INTS3: variants seen among roughly 807,000 people sequenced by gnomAD.
INTS3 encodes the protein integrator complex subunit 3.
In INTS3, 34 loss-of-function variants were observed where a neutral mutation model predicts 146.3. That is an observed-to-expected ratio of 0.23 (90% CI 0.18 to 0.31). The LOEUF (loss-of-function observed/expected upper bound fraction) is 0.31. Among genes scored for constraint, INTS3 ranks in the 10% least tolerant of loss-of-function variants. INTS3 has a pLI of 1.00. For missense variants in INTS3, 757 were observed against 1,304.2 expected, an observed-to-expected ratio of 0.58 and a Z score of 6.46; for synonymous variants, 475 against 494.9, an observed-to-expected ratio of 0.96 and a Z score of 0.53.
intron 20 of INTS3, 169 bp from the exon 21 acceptor site, chr1:153,767,505 C>T (rs1252142025): frequency 5.5e-6 from 3 of 549,598 alleles, no homozygotes; most frequent in Non-Finnish European, 9.2e-6. Flanking sequence ...TCCCCTGGTT[C>T]CCCTGAGTTA....
At chr1:153,742,428 G>A (rs945121474) in intron 3 of INTS3, among the ~76,000 whole-genome samples, 1 of 151,502 alleles carries the variant, frequency 6.6e-6, no homozygotes, top group Non-Finnish European at 1.5e-5. Flanking sequence ...GATGAGAGTA[G>A]ATGGGATGGA....
chr1:153,728,659 GCGGCAGCAGCAGCAGCTGCTT>G lies in INTS3; in HGVS notation c.29_49del (p.Ala10_Ser16del). Reference sequence around the variant, plus strand: ...CATGGAGTTGCAGAAGGGAAAAGGGGCGGCAGCAGCAGCAGCTGCTTCGGGAGCAGCGGGAGGTGGAGGAGG... The same window carrying G: ...CATGGAGTTGCAGAAGGGAAAAGGGGCGGGAGCAGCGGGAGGTGGAGGAGG... On this transcript the variant is annotated inframe_deletion, in exon 1 of 30. Coordinates refer to ENST00000318967, the MANE Select transcript of INTS3 (RefSeq NM_023015.5). 2 of 1,606,644 alleles carry G rather than the reference GCGGCAGCAGCAGCAGCTGCTT, an allele frequency of 1.2e-6. No individual in the cohort carries two copies. Among genetic ancestry groups the G allele is most frequent in the African/African-American group, 1.3e-5 (1 of 74,424 alleles).
intron 4 of INTS3, 82 bp from the exon 5 acceptor site, chr1:153,747,197 C>G: frequency 1.5e-6 from 2 of 1,345,058 alleles, no homozygotes. Context: ...TTGTAATGTG[C>G]TCCTTTCAGT....
In INTS3 at chr1:153,763,416, C is replaced by T. The variant is rs1433770556; in HGVS notation, c.1766+54C>T. On this transcript the variant is annotated intron_variant, in intron 16 of 29. Transcript: ENST00000318967. ...GGAGGTTCAGCCCCAGGCTCTCTAC[C>T]TGGTGCTTAATGGGTATAGCAGGAG... 2.5e-6 allele frequency: 4 copies of T among 1,601,456 alleles called. No individual in the cohort carries two copies. The Admixed American group carries it at 5.0e-5, about 20-fold the overall frequency.
At chr1:153,740,595 A>G (rs2101787564) in intron 1 of INTS3, 56 bp from the exon 2 acceptor site, 1 of 1,300,688 alleles carries the variant, frequency 7.7e-7, no homozygotes, top group Middle Eastern at 1.8e-4. Context: ...GGGGCCCAGA[A>G]GTACTTCCTA....
Position 153,728,543 on chromosome 1 carries a change from T to A in INTS3, c.-92T>A. On this transcript the variant is annotated 5_prime_UTR_variant, in exon 1 of 30. Coordinates refer to ENST00000318967, the MANE Select transcript of INTS3 (RefSeq NM_023015.5). Reference sequence around the variant, plus strand: ...TCTCCCCTCCCCAACTTGTTCCTCTTGCCCCCCAGTCCCTGGCAATCCAGA... The same window carrying A: ...TCTCCCCTCCCCAACTTGTTCCTCTAGCCCCCCAGTCCCTGGCAATCCAGA... The A allele has an allele frequency of 1.4e-6, 2 of 1,454,866 alleles. No individual in the cohort carries two copies. Among genetic ancestry groups the A allele is most frequent in the South Asian group, 2.8e-5 (2 of 72,654 alleles). The allele number at this position is 1,454,866 out of a possible 1,614,324, so 90.1% of individuals were successfully genotyped here.
chr1:153,759,462 G>A, intron 10 of INTS3, 64 bp from the exon 11 acceptor site: 1 of 1,086,212 alleles, frequency 9.2e-7, no homozygotes, highest in South Asian at 1.3e-5. Context: ...TCTGTCTTGG[G>A]ACTCTGAAAT....
intron 1 of INTS3, among the ~76,000 whole-genome samples, chr1:153,732,003 G>A (rs760444149): frequency 6.7e-6 from 1 of 149,478 alleles, no homozygotes; most frequent in Non-Finnish European, 1.5e-5. Context: ...TGCCTCCCGG[G>A]TTCAAGCGAT....
intron 3 of INTS3, among the ~76,000 whole-genome samples, chr1:153,745,287 G>A (rs1286067154): frequency 1.3e-5 from 2 of 151,626 alleles, no homozygotes; most frequent in Non-Finnish European, 2.9e-5. Context: ...CTCCCTTGTA[G>A]TTGGGACTAC....
At position 153,752,271 on chromosome 1, in the gene INTS3, C is replaced by T. The variant is rs559380024; in HGVS notation, c.730-8C>T. 4.3e-6 allele frequency: 7 copies of T among 1,613,118 alleles called. No homozygotes were observed. The highest frequency in any genetic ancestry group is 4.0e-5 in the African/African-American group (3 of 74,986). On this transcript the variant is annotated splice_region_variant and splice_polypyrimidine_tract_variant and intron_variant, in intron 7 of 29. Transcript: ENST00000318967. Reference sequence around the variant, plus strand: ...TTTCCTGTCCCCCACTTCCTCTTCCCTATCAAGTTCATGGAATGTCTGATG... The same window carrying T: ...TTTCCTGTCCCCCACTTCCTCTTCCTTATCAAGTTCATGGAATGTCTGATG...
chr1:153,769,840 A>T lies in INTS3; in HGVS notation c.2385A>T (p.Ile795=). 1 of 1,606,636 alleles carries T rather than the reference A, an allele frequency of 6.2e-7. No individual in the cohort carries two copies. Among genetic ancestry groups the T allele is most frequent in the South Asian group, 1.1e-5 (1 of 90,898 alleles). The change falls in exon 23 of 30, where the codon ATA becomes ATT. Residue 795 remains isoleucine (I), a synonymous_variant. Transcript: ENST00000318967. The stretch of plus-strand genomic sequence containing the variant: ...TTCGAAAAGACTCAGTTCTCAACAT[A>T]CTCAGTAAGTGATCAAATCTTTAGG... ...VMFRKDSVLN[I]LIQSLDWETF...
rs113657785 is a variant in INTS3 at position 153,759,225 on chromosome 1, G to C, written c.1150-301G>C. Reference sequence around the variant, plus strand: ...GGCGGTGGAGGTTGCAGTGAGCTGAGATCATGCCACTGCACTACAGCCTGG... The same window carrying C: ...GGCGGTGGAGGTTGCAGTGAGCTGACATCATGCCACTGCACTACAGCCTGG... On this transcript the variant is annotated intron_variant, in intron 10 of 29. Coordinates refer to ENST00000318967, the MANE Select transcript of INTS3 (RefSeq NM_023015.5). 1.9e-3 allele frequency among the ~76,000 whole-genome samples: 281 copies of C among 150,654 alleles called. 2 individuals carry two copies. Among genetic ancestry groups the C allele is most frequent in the African/African-American group, 6.6e-3 (270 of 40,806 alleles).
At chr1:153,752,496 GT>G in intron 8 of INTS3, 88 bp downstream of exon 8, 2 of 1,380,042 alleles carry the variant, frequency 1.4e-6, no homozygotes, top group Non-Finnish European at 2.0e-6. Context: ...AGGTTGGTGG[GT>G]AGGAGAGTCT....
chr1:153,744,038 C>CGTGTGTGTGTGTGT (rs200825280), intron 3 of INTS3, among the ~76,000 whole-genome samples: 3 of 142,246 alleles, frequency 2.1e-5, no homozygotes, highest in African/African-American at 7.9e-5. Context: ...TGTGCATGTG[C>CGTGTGTGTGTGTGT]GTGTGTGTGT....
At chr1:153,771,235 A>T (rs1048522010) in intron 25 of INTS3, among the ~76,000 whole-genome samples, 1 of 152,192 alleles carries the variant, frequency 6.6e-6, no homozygotes, top group Admixed American at 6.5e-5. Flanking sequence ...CCCTTTAGCA[A>T]CATCCCCCGA....
Position 153,754,697 on chromosome 1 carries a change from A to G in INTS3, c.915A>G (p.Leu305=), listed in dbSNP as rs368387318. 6.2e-6 allele frequency: 10 copies of G among 1,613,410 alleles called. No individual in the cohort carries two copies. The African/African-American group carries it at 1.2e-4, about 19-fold the overall frequency. The change falls in exon 9 of 30, where the codon CTA becomes CTG. Residue 305 remains leucine, a synonymous_variant. Coordinates refer to ENST00000318967, the MANE Select transcript of INTS3 (RefSeq NM_023015.5). ...CCCGAAAATTCCTAGCATGTCGTCT[A>G]ACCCCGGACATGGAGACTAAACTCC... ...RTSRKFLACR[L]TPDMETKLLF...
rs1672194216 is a variant in INTS3 at position 153,757,211 on chromosome 1, C to G, written c.958-361C>G. ...TTGAAGAACATTTCTTGCTGTTCAC[C>G]AGTGGCTCAAGAAAATGAGAAAAGG... On this transcript the variant is annotated intron_variant, in intron 9 of 29. Transcript: ENST00000318967. This position sits in a 1 kb window ranked among gnomAD's most constrained non-coding sequence, Gnocchi z 4.0. Among the ~76,000 whole-genome samples the G allele has an allele frequency of 6.6e-6, 1 of 152,136 alleles. No individual in the cohort carries two copies. Among genetic ancestry groups the G allele is most frequent in the South Asian group, 2.1e-4 (1 of 4,818 alleles).
At position 153,759,515 on chromosome 1, in the gene INTS3, C is replaced by T. The variant is rs1672296262; in HGVS notation, c.1150-11C>T. The T allele has an allele frequency of 6.3e-7, 1 of 1,598,116 alleles. No individual in the cohort carries two copies. Among genetic ancestry groups the T allele is most frequent in the African/African-American group, 1.3e-5 (1 of 74,618 alleles). On this transcript the variant is annotated splice_polypyrimidine_tract_variant and intron_variant, in intron 10 of 29. Transcript: ENST00000318967. ...GAAACTAGCCCTCTGTTTCTCCCCTCTCTTTTCCAGTCAAATGTCGCTGCC... is the reference window on the plus strand; with the variant it reads ...GAAACTAGCCCTCTGTTTCTCCCCTTTCTTTTCCAGTCAAATGTCGCTGCC...
At chr1:153,763,495 C>T (rs1672466300) in intron 16 of INTS3, 133 bp downstream of exon 16, 1 of 966,562 alleles carries the variant, frequency 1.0e-6, no homozygotes, top group Non-Finnish European at 1.6e-6. Context: ...GCTGAAGCTT[C>T]ATGAGGGAGT....
Sources: allele counts gnomAD v4.1 joint callset (sites outside exome capture counted in the v4.1 genomes callset), GRCh38; gene constraint gnomAD v4.1.1; non-coding constraint Gnocchi (gnomAD v3.1); transcripts MANE v1.5; gene names NCBI Gene and HGNC (gene_info 2026-07-23, HGNC 2026-07-21).